ZNF592: variants seen among roughly 807,000 people sequenced by gnomAD.
ZNF592 encodes the protein zinc finger protein 592.
A neutral mutation model predicts 80.3 loss-of-function variants in ZNF592; 11 were observed. The ratio of observed to expected loss-of-function variants is 0.14; its 90% CI spans 0.09 to 0.23. The LOEUF (loss-of-function observed/expected upper bound fraction) is 0.23, where lower values mean the gene tolerates loss of function less well. Ranked by LOEUF, ZNF592 falls within the 10% of genes least tolerant of loss-of-function variation. ZNF592 has a pLI of 1.00. For synonymous variants in ZNF592, 646 were observed against 640.3 expected (o/e 1.01, Z -0.13); for missense variants, 1,420 against 1,633.9 (o/e 0.87, Z 2.26).
chr15:84,793,228 C>T (rs554228576), intron 5 of ZNF592, among the ~76,000 whole-genome samples: 1 of 152,190 alleles, frequency 6.6e-6, no homozygotes, highest in African/African-American at 2.4e-5. Context: ...AGGCATGTGC[C>T]ACCACGCTTG....
At chr15:84,797,795 C>G in intron 5 of ZNF592, 74 bp from the exon 6 acceptor site, 1 of 1,556,114 alleles carries the variant, frequency 6.4e-7, no homozygotes, top group Non-Finnish European at 8.9e-7. Context: ...TCCATCCCTC[C>G]TCTTGCAGCA....
intron 1 of ZNF592, among the ~76,000 whole-genome samples, chr15:84,763,179 AG>A (rs1567060673): frequency 6.6e-6 from 1 of 152,206 alleles, no homozygotes; most frequent in Non-Finnish European, 1.5e-5. Flanking sequence ...TGCCAGTCTT[AG>A]TTCACTCACT....
intron 10 of ZNF592, among the ~76,000 whole-genome samples, chr15:84,800,417 C>T (rs1482736318): frequency 6.6e-6 from 1 of 152,110 alleles, no homozygotes; most frequent in Non-Finnish European, 1.5e-5. Context: ...CTATCCTGGC[C>T]CCTTGCCCTA....
At chr15:84,754,684 C>T (rs1460910694) in intron 1 of ZNF592, among the ~76,000 whole-genome samples, 1 of 139,032 alleles carries the variant, frequency 7.2e-6, no homozygotes, top group Non-Finnish European at 1.5e-5. Context: ...GCCTGGGCAA[C>T]ATTGAAAGAC....
chr15:84,759,867 A>AG (rs1397237231), intron 1 of ZNF592, among the ~76,000 whole-genome samples: 14 of 151,438 alleles, frequency 9.2e-5, no homozygotes. Flanking sequence ...GCTGGGACAT[A>AG]GGGTACAGCG....
chr15:84,752,181 T>C (rs1395939168), intron 1 of ZNF592, among the ~76,000 whole-genome samples: 2 of 152,232 alleles, frequency 1.3e-5, no homozygotes, highest in Non-Finnish European at 2.9e-5. Context: ...GACTTTTTTT[T>C]CCTCTCATCT....
In ZNF592 at chr15:84,750,445, CAATA is replaced by C. The variant is rs527312353; in HGVS notation, c.-259+1788_-259+1791del. ...GCTTTCCTGGGAGTGGGGGAGAAGA[CAATA>C]AATAAAATATATAACAAAAATATAG... On this transcript the variant is annotated intron_variant, in intron 1 of 10. Transcript: ENST00000560079. Among the ~76,000 whole-genome samples, 56 of 152,002 alleles carry C rather than the reference CAATA, an allele frequency of 3.7e-4. No individual in the cohort carries two copies. The South Asian group carries it at 8.3e-3, about 23-fold the overall frequency.
At chr15:84,768,811 T>C (rs1220088829) in intron 2 of ZNF592, among the ~76,000 whole-genome samples, 2 of 152,184 alleles carry the variant, frequency 1.3e-5, no homozygotes, top group East Asian at 3.8e-4. Context: ...TCTCTAAAAT[T>C]TTAAAAAGTG....
Position 84,784,215 on chromosome 15 carries a change from A to G in ZNF592, c.1540A>G (p.Ser514Gly), listed in dbSNP as rs1432752469. The change falls in exon 4 of 11, where the codon AGT becomes GGT. Residue 514 changes from serine (S) to glycine (G), a missense_variant. Ser to Gly is a moderately conservative substitution (Grantham distance 56). Coordinates refer to ENST00000560079, the MANE Select transcript of ZNF592 (RefSeq NM_014630.3). This position sits in a 1 kb window ranked among gnomAD's most constrained non-coding sequence, Gnocchi z 5.8. Reference protein sequence around the residue: ...HLANLNLVPHSVAASVTAKSS... With the variant: ...HLANLNLVPHGVAASVTAKSS... ...GGCCAACCTGAACCTCGTCCCCCAC[A>G]GTGTTGCTGCATCAGTGACAGCCAA... 2 of 1,614,064 alleles carry G rather than the reference A, an allele frequency of 1.2e-6. No homozygotes were observed. Among genetic ancestry groups the G allele is most frequent in the Admixed American group, 1.7e-5 (1 of 60,010 alleles).
At chr15:84,761,446 C>A (rs185799807) in intron 1 of ZNF592, among the ~76,000 whole-genome samples, 1 of 152,150 alleles carries the variant, frequency 6.6e-6, no homozygotes, top group Admixed American at 6.5e-5. Flanking sequence ...TTGGTAATGG[C>A]GGGATGCTCC....
intron 4 of ZNF592, among the ~76,000 whole-genome samples, 152 bp from the exon 5 acceptor site, chr15:84,790,552 AG>A (rs1174174518): frequency 6.6e-6 from 1 of 152,194 alleles, no homozygotes; most frequent in Non-Finnish European, 1.5e-5. Flanking sequence ...AATGAGGTCT[AG>A]GGGTGTCAGA....
At chr15:84,768,776 C>T (rs186722306) in intron 2 of ZNF592, among the ~76,000 whole-genome samples, 7 of 152,234 alleles carry the variant, frequency 4.6e-5, no homozygotes, top group Non-Finnish European at 7.4e-5. Flanking sequence ...TTCCCACTGG[C>T]GAGGTCCCAT....
intron 2 of ZNF592, among the ~76,000 whole-genome samples, chr15:84,771,687 C>T (rs1222849635): frequency 6.6e-6 from 1 of 152,048 alleles, no homozygotes; most frequent in Non-Finnish European, 1.5e-5. Flanking sequence ...TTGCCTGAGC[C>T]CACTGGGGCA....
rs141757816 is a variant in ZNF592 at position 84,774,886 on chromosome 15, T to C, written c.-149-3297T>C. ...ACCTCTGCCTCCCAGGTTCAAGCAA[T>C]TCTCCTGCCCCAGCCTCCCAAGTAG... On this transcript the variant is annotated intron_variant, in intron 2 of 10. Transcript: ENST00000560079. 3.1e-3 allele frequency among the ~76,000 whole-genome samples: 472 copies of C among 152,190 alleles called. 2 individuals carry two copies. Among genetic ancestry groups the C allele is most frequent in the Admixed American group, 5.7e-3 (87 of 15,280 alleles).
chr15:84,755,481 A>G (rs1203086579), intron 1 of ZNF592, among the ~76,000 whole-genome samples: 2 of 151,974 alleles, frequency 1.3e-5, no homozygotes, highest in Non-Finnish European at 2.9e-5. Flanking sequence ...CTTCCTCCAT[A>G]AAAATAAATC....
chr15:84,752,134 T>C (rs1300125623), intron 1 of ZNF592, among the ~76,000 whole-genome samples: 1 of 152,242 alleles, frequency 6.6e-6, no homozygotes, highest in African/African-American at 2.4e-5. Flanking sequence ...TTGAATGAGA[T>C]TAAATGTATA....
intron 3 of ZNF592, among the ~76,000 whole-genome samples, chr15:84,782,016 A>G (rs1039000553): frequency 2.0e-5 from 3 of 152,236 alleles, no homozygotes; most frequent in Non-Finnish European, 4.4e-5. Flanking sequence ...CTCAGGTTTA[A>G]TGGAGGAGCA....
chr15:84,769,560 C>T (rs769155122), intron 2 of ZNF592, among the ~76,000 whole-genome samples: 1 of 150,192 alleles, frequency 6.7e-6, no homozygotes, highest in Non-Finnish European at 1.5e-5. Context: ...TGGAGCATGA[C>T]CAGCATGCCT....
Position 84,796,866 on chromosome 15 carries a change from G to A in ZNF592, c.2400-1003G>A, listed in dbSNP as rs137887397. Among the ~76,000 whole-genome samples, 4 of 152,232 alleles carry A rather than the reference G, an allele frequency of 2.6e-5. No homozygotes were observed. The East Asian group carries it at 5.8e-4, about 22-fold the overall frequency. ...ATAGTACCAGCCATTTGTGGCTACC[G>A]GGTGCTTGAAATGTGGCCAGTGCAA... On this transcript the variant is annotated intron_variant, in intron 5 of 10. Transcript: ENST00000560079.
Sources: allele counts gnomAD v4.1 joint callset (sites outside exome capture counted in the v4.1 genomes callset), GRCh38; gene constraint gnomAD v4.1.1; non-coding constraint Gnocchi (gnomAD v3.1); transcripts MANE v1.5; gene names NCBI Gene and HGNC (gene_info 2026-07-23, HGNC 2026-07-21).